The following PHLPP1 variants were observed in gnomAD, a reference collection of about 807,000 sequenced individuals.
PHLPP1 encodes PH domain leucine-rich repeat-containing protein phosphatase 1.
Under a neutral mutation model 117.2 loss-of-function variants are expected in PHLPP1, and 42 were observed. That is an observed-to-expected ratio of 0.36 (90% CI 0.28 to 0.46). The LOEUF is 0.46. Ranked by LOEUF, PHLPP1 falls within the 20% of genes least tolerant of loss-of-function variation. The pLI is 1.00. For missense variants in PHLPP1, 2,084 were observed against 2,241.9 expected, an observed-to-expected ratio of 0.93 and a Z score of 1.42; for synonymous variants, 1,042 against 970.7, an observed-to-expected ratio of 1.07 and a Z score of -1.37.
chr18:62,949,059 A>G (rs1186319583), intron 12 of PHLPP1, among the ~76,000 whole-genome samples: 1 of 152,170 alleles, frequency 6.6e-6, no homozygotes, highest in African/African-American at 2.4e-5. Context: ...TTAAAATTTT[A>G]TTATTGAGTT....
chr18:62,822,283 TTTG>T lies in PHLPP1; in HGVS notation c.1577-7749_1577-7747del, dbSNP rs1568128080. On this transcript the variant is annotated intron_variant, in intron 1 of 16. Coordinates refer to ENST00000262719, the MANE Select transcript of PHLPP1 (RefSeq NM_194449.4). Reference sequence around the variant, plus strand: ...AAATAGTGTTTTTTTTTTTTTTGTTTTTGTTTTTTTTTTTTTGAGACAGAGTCT... The same window carrying T: ...AAATAGTGTTTTTTTTTTTTTTGTTTTTTTTTTTTTTTTGAGACAGAGTCT... Among the ~76,000 whole-genome samples the T allele has an allele frequency of 9.9e-5, 14 of 141,832 alleles. 2 individuals carry two copies. Among genetic ancestry groups the T allele is most frequent in the Non-Finnish European group, 2.0e-4 (13 of 64,106 alleles). 93.0% of individuals were successfully genotyped at this position (141,832 alleles called of 152,430 possible). A position where few individuals can be genotyped will look rare whatever the true frequency, so the allele number is the denominator to read the frequency against.
chr18:62,720,157 A>G (rs1475422514), intron 1 of PHLPP1, among the ~76,000 whole-genome samples: 1 of 151,998 alleles, frequency 6.6e-6, no homozygotes, highest in Non-Finnish European at 1.5e-5. Context: ...ATTTTGCCTG[A>G]AAGAGAGTAA....
intron 3 of PHLPP1, chr18:62,842,792 A>G (rs997467732): frequency 5.3e-5 from 8 of 152,254 alleles, no homozygotes; most frequent in Non-Finnish European, 4.4e-5. Flanking sequence ...GGACTGATTA[A>G]AAGAGGTTAG....
chr18:62,850,225 T>C (rs1778178976), intron 3 of PHLPP1, among the ~76,000 whole-genome samples: 1 of 151,702 alleles, frequency 6.6e-6, no homozygotes, highest in Non-Finnish European at 1.5e-5. Context: ...CTGTCTCTAC[T>C]AAAAATACAA....
chr18:62,883,012 G>A (rs1029969441), intron 4 of PHLPP1, among the ~76,000 whole-genome samples: 1 of 150,960 alleles, frequency 6.6e-6, no homozygotes, highest in Non-Finnish European at 1.5e-5. Flanking sequence ...ACATAGCTAG[G>A]TACCAGAAAG....
chr18:62,849,797 CAAAAAAAA>C lies in PHLPP1; in HGVS notation c.1900-10609_1900-10602del, dbSNP rs1159265423. Among the ~76,000 whole-genome samples the C allele has an allele frequency of 2.6e-3, 19 of 7,390 alleles. 1 individual carries two copies. The South Asian group carries it at 0.05, about 19-fold the overall frequency. 4.8% of individuals were successfully genotyped at this position (7,390 alleles called of 152,430 possible). ...GCAACATAGCAAGGCCCTGTCTCTA[CAAAAAAAA>C]AAAAAAAAAAAAAAAAAAAAAAAAA... is the stretch of plus-strand genomic sequence containing the variant. On this transcript the variant is annotated intron_variant, in intron 3 of 16. Transcript: ENST00000262719.
intron 13 of PHLPP1, among the ~76,000 whole-genome samples, 152 bp downstream of exon 13, chr18:62,958,911 T>C (rs201901341): frequency 6.6e-6 from 1 of 152,226 alleles, no homozygotes; most frequent in East Asian, 1.9e-4. Context: ...AGGGAAGCAA[T>C]GAACAACCAA....
intron 3 of PHLPP1, among the ~76,000 whole-genome samples, chr18:62,856,220 C>T (rs536287070): frequency 1.3e-5 from 2 of 152,100 alleles, no homozygotes; most frequent in South Asian, 2.1e-4. Context: ...GGAGCGCCGA[C>T]CATATGTTGG....
At chr18:62,769,369 A>C (rs1194422870) in intron 1 of PHLPP1, among the ~76,000 whole-genome samples, 1 of 152,184 alleles carries the variant, frequency 6.6e-6, no homozygotes, top group Non-Finnish European at 1.5e-5. Flanking sequence ...AAAAGTATTG[A>C]CCAAGTGAAA....
chr18:62,823,205 T>C (rs981732558), intron 1 of PHLPP1, among the ~76,000 whole-genome samples: 3 of 152,194 alleles, frequency 2.0e-5, no homozygotes, highest in Non-Finnish European at 2.9e-5. Flanking sequence ...AAACTTTTGC[T>C]TTCTGAAAAT....
chr18:62,864,358 G>C (rs1279477996), intron 4 of PHLPP1, among the ~76,000 whole-genome samples: 2 of 152,114 alleles, frequency 1.3e-5, no homozygotes, highest in African/African-American at 2.4e-5. Context: ...TAATCCTAAG[G>C]GTTGTAGAGG....
At position 62,865,853 on chromosome 18, in the gene PHLPP1, G is replaced by A. The variant is rs184397814; in HGVS notation, c.2066+5252G>A. Among the ~76,000 whole-genome samples, 240 of 152,280 alleles carry A rather than the reference G, an allele frequency of 1.6e-3. 1 individual carries two copies. Among genetic ancestry groups the A allele is most frequent in the Non-Finnish European group, 3.0e-3 (206 of 68,022 alleles). On this transcript the variant is annotated intron_variant, in intron 4 of 16. Transcript: ENST00000262719. ...TGATGAGAATACATGGACACATAGA[G>A]GGGAACAACACACAGTGGGGCCTAT...
intron 1 of PHLPP1, among the ~76,000 whole-genome samples, chr18:62,808,633 C>T (rs1914024401): frequency 6.6e-6 from 1 of 150,872 alleles, no homozygotes; most frequent in Admixed American, 6.6e-5. Flanking sequence ...GCTCACTGCA[C>T]CTCCGCCTCC....
At position 62,978,457 on chromosome 18, in the gene PHLPP1, G is replaced by A. The variant is rs762331941; in HGVS notation, c.4180G>A (p.Asp1394Asn). 29 of 1,610,256 alleles carry A rather than the reference G, an allele frequency of 1.8e-5. No individual in the cohort carries two copies. The highest frequency in any genetic ancestry group is 6.7e-5 in the East Asian group (3 of 44,716). Residue 1394 changes from aspartate (D) to asparagine (N), a missense_variant, in exon 17 of 17, where the codon GAT becomes AAT. Asp to Asn is a conservative substitution (Grantham distance 23, BLOSUM62 1). Coordinates refer to ENST00000262719, the MANE Select transcript of PHLPP1 (RefSeq NM_194449.4). This position sits in a 1 kb window ranked among gnomAD's most constrained non-coding sequence, Gnocchi z 7.0. ...CGTGGAAGCCGTGCGCAACGTGCCC[G>A]ATGCCCTGGCTGCTGCCAAGAAGCT... ...EAVEAVRNVP[D>N]ALAAAKKLCT...
chr18:62,767,822 A>T (rs1055496564), intron 1 of PHLPP1, among the ~76,000 whole-genome samples: 1 of 152,202 alleles, frequency 6.6e-6, no homozygotes, highest in South Asian at 2.1e-4. Flanking sequence ...CTATCTGGTT[A>T]AATAGAGTAC....
intron 1 of PHLPP1, among the ~76,000 whole-genome samples, chr18:62,754,301 G>A (rs1038904312): frequency 4.8e-4 from 73 of 152,240 alleles, no homozygotes; most frequent in African/African-American, 1.6e-3. Flanking sequence ...GGGTATGAAT[G>A]TTGGGGTAGC....
At chr18:62,931,441 CAG>C (rs1909803451) in intron 10 of PHLPP1, among the ~76,000 whole-genome samples, 2 of 150,928 alleles carry the variant, frequency 1.3e-5, no homozygotes, top group African/African-American at 4.9e-5. Context: ...CTAGAAAAAA[CAG>C]AACACACTAA....
intron 1 of PHLPP1, among the ~76,000 whole-genome samples, chr18:62,758,845 A>G (rs536502746): frequency 1.4e-4 from 21 of 152,296 alleles, no homozygotes; most frequent in Admixed American, 1.1e-3. Context: ...ACCAAATGCA[A>G]ATTACCTTCT....
chr18:62,836,065 G>A (rs1429870721), intron 2 of PHLPP1, among the ~76,000 whole-genome samples: 2 of 151,854 alleles, frequency 1.3e-5, no homozygotes, highest in East Asian at 1.9e-4. Flanking sequence ...ATAGGGGTGA[G>A]CCACCGTGCC....
Sources: gnomAD v4.1 joint callset for allele counts (sites outside exome capture counted in the v4.1 genomes callset) on GRCh38, gnomAD v4.1.1 for gene constraint, Gnocchi (gnomAD v3.1) non-coding constraint, MANE v1.5 for transcripts, NCBI Gene and HGNC (gene_info 2026-07-23, HGNC 2026-07-21) for gene names.